The following RAD23B variants were observed in gnomAD, a reference collection of about 807,000 sequenced individuals.
The protein encoded by RAD23B is lysine-specific demethylase RAD23B.
In RAD23B, 5 loss-of-function variants were observed where a neutral mutation model predicts 49.1. The observed-to-expected ratio is 0.10, with a 90% CI of 0.05 to 0.21. The LOEUF is 0.21. Ranked by LOEUF, RAD23B falls within the 10% of genes least tolerant of loss-of-function variation. The pLI, the probability that RAD23B is intolerant of heterozygous loss-of-function variation, is 1.00. For missense variants in RAD23B, 356 were observed against 486.7 expected (o/e 0.73, Z 2.53); for synonymous variants, 184 against 165.4 (o/e 1.11, Z -0.86).
chr9:107,331,779 A>T lies in RAD23B; in HGVS notation c.*2123A>T, dbSNP rs371086485. 5.2e-5 allele frequency: 40 copies of T among 770,096 alleles called. No individual in the cohort carries two copies. The African/African-American group carries it at 6.7e-4, about 13-fold the overall frequency. The allele number at this position is 770,096 out of a possible 1,614,324, so 47.7% of individuals were successfully genotyped here. The stretch of plus-strand genomic sequence containing the variant: ...GGACAACAAATCTGGATATACTAGG[A>T]TTAATTATCAGAAGACAGCTCAGGC... On this transcript the variant is annotated 3_prime_UTR_variant, in exon 10 of 10. Coordinates refer to ENST00000358015, the MANE Select transcript of RAD23B (RefSeq NM_002874.5).
intron 6 of RAD23B, among the ~76,000 whole-genome samples, chr9:107,319,181 A>T (rs1296092252): frequency 7.9e-6 from 1 of 126,684 alleles, no homozygotes; most frequent in East Asian, 2.3e-4. Context: ...CCCAGACTGG[A>T]GTGCAGTGGC....
chr9:107,327,797 A>G (rs765482307), intron 9 of RAD23B, among the ~76,000 whole-genome samples: 42 of 152,142 alleles, frequency 2.8e-4, no homozygotes, highest in Admixed American at 1.1e-3. Flanking sequence ...TGTTTTATCT[A>G]TTATTGAAGG....
intron 2 of RAD23B, among the ~76,000 whole-genome samples, chr9:107,301,741 A>C (rs1001631882): frequency 2.0e-5 from 3 of 151,658 alleles, no homozygotes; most frequent in African/African-American, 4.8e-5. Context: ...GGGTCTTGCT[A>C]TGTTGGCCAT....
At chr9:107,307,468 A>G (rs1826802456) in intron 4 of RAD23B, among the ~76,000 whole-genome samples, 1 of 152,220 alleles carries the variant, frequency 6.6e-6, no homozygotes, top group African/African-American at 2.4e-5. Context: ...CATGAGTTAT[A>G]TTATGACCAG....
Position 107,302,089 on chromosome 9 carries a change from A to G in RAD23B, c.203A>G (p.Asn68Ser), listed in dbSNP as rs986543077. Residue 68 changes from asparagine to serine, a missense_variant, in exon 3 of 10, where the codon AAC becomes AGC. Physicochemically the swap from Asn to Ser is conservative, Grantham distance 46. Coordinates refer to ENST00000358015, the MANE Select transcript of RAD23B (RefSeq NM_002874.5). ...ALKEYKIDEK[N>S]FVVVMVTKPK... is the part of the protein sequence containing the mutation. ...AAAGAATATAAAATTGATGAGAAAA[A>G]CTTTGTGGTGGTTATGGTGACCAAA... 6.2e-7 allele frequency: 1 copy of G among 1,613,314 alleles called. No homozygotes were observed. The highest frequency in any genetic ancestry group is 1.1e-5 in the South Asian group (1 of 91,046).
intron 1 of RAD23B, chr9:107,284,552 G>C (rs957083348): frequency 5.0e-6 from 1 of 199,326 alleles, no homozygotes; most frequent in Non-Finnish European, 9.1e-6. Flanking sequence ...AAACATTTCA[G>C]AAGTCCACAT....
chr9:107,309,834 G>T (rs534179258), intron 4 of RAD23B, among the ~76,000 whole-genome samples: 55 of 151,454 alleles, frequency 3.6e-4, no homozygotes, highest in Non-Finnish European at 6.3e-4. Flanking sequence ...AGGAGGCTGA[G>T]GCAGGAGAAT....
At chr9:107,284,486 AAAG>A (rs1463818208) in intron 1 of RAD23B, among the ~76,000 whole-genome samples, 1 of 152,074 alleles carries the variant, frequency 6.6e-6, no homozygotes, top group East Asian at 1.9e-4. Context: ...AAGGGGGAAA[AAAG>A]AAAAAAAAAA....
intron 1 of RAD23B, among the ~76,000 whole-genome samples, chr9:107,299,384 C>T (rs1004633218): frequency 5.3e-5 from 8 of 152,136 alleles, no homozygotes; most frequent in Non-Finnish European, 1.0e-4. Context: ...CCCTACTTAA[C>T]AAGTTAAGAA....
intron 1 of RAD23B, chr9:107,284,988 G>A: frequency 2.3e-6 from 3 of 1,283,266 alleles, no homozygotes; most frequent in Non-Finnish European, 3.1e-6. Flanking sequence ...GAGATACAGT[G>A]TTACGTTTTA....
At chr9:107,294,020 CAG>C (rs1833438142) in intron 1 of RAD23B, among the ~76,000 whole-genome samples, 2 of 152,130 alleles carry the variant, frequency 1.3e-5, no homozygotes, top group South Asian at 2.1e-4. Flanking sequence ...ATTGGGATAA[CAG>C]GGGAAATGAC....
At chr9:107,315,580 C>G (rs1826976060) in intron 5 of RAD23B, among the ~76,000 whole-genome samples, 1 of 152,162 alleles carries the variant, frequency 6.6e-6, no homozygotes, top group African/African-American at 2.4e-5. Flanking sequence ...GTGGCACAGT[C>G]TCAGCTCACT....
At chr9:107,319,678 T>TTAC (rs1366013802) in intron 6 of RAD23B, among the ~76,000 whole-genome samples, 3 of 152,204 alleles carry the variant, frequency 2.0e-5, no homozygotes, top group Non-Finnish European at 4.4e-5. Flanking sequence ...ATGAATGATG[T>TTAC]TACTACCTGG....
intron 5 of RAD23B, among the ~76,000 whole-genome samples, chr9:107,314,630 A>T (rs1332531173): frequency 6.6e-6 from 1 of 152,238 alleles, no homozygotes; most frequent in East Asian, 1.9e-4. Context: ...TGTGATTAAC[A>T]TACAAGTGCA....
chr9:107,315,438 T>C (rs1173920473), intron 5 of RAD23B, among the ~76,000 whole-genome samples: 1 of 152,174 alleles, frequency 6.6e-6, no homozygotes, highest in Non-Finnish European at 1.5e-5. Context: ...ATGACATATA[T>C]AAGGTTCTTC....
intron 3 of RAD23B, among the ~76,000 whole-genome samples, chr9:107,306,045 T>TATACA (rs1564245432): frequency 3.7e-5 from 1 of 26,800 alleles, no homozygotes; most frequent in Non-Finnish European, 7.9e-5. Context: ...ATGATACGGT[T>TATACA]TATATCTATA....
chr9:107,292,466 G>A (rs1292893510), intron 1 of RAD23B, among the ~76,000 whole-genome samples: 1 of 152,048 alleles, frequency 6.6e-6, no homozygotes. Flanking sequence ...GGATCACGAG[G>A]TCAGGAGTTC....
rs758171253 is a variant in RAD23B at position 107,302,125 on chromosome 9, A to G, written c.228+11A>G. The G allele has an allele frequency of 2.3e-5, 37 of 1,611,492 alleles. No individual in the cohort carries two copies. Among genetic ancestry groups the G allele is most frequent in the South Asian group, 8.8e-5 (8 of 90,714 alleles). On this transcript the variant is annotated intron_variant, in intron 3 of 9. Coordinates refer to ENST00000358015, the MANE Select transcript of RAD23B (RefSeq NM_002874.5). Reference sequence around the variant, plus strand: ...GTTATGGTGACCAAAGTAAGTTTCAACCTCATTCTGTATATCTTTATGCAT... The same window carrying G: ...GTTATGGTGACCAAAGTAAGTTTCAGCCTCATTCTGTATATCTTTATGCAT...
intron 3 of RAD23B, 66 bp from the exon 4 acceptor site, chr9:107,306,313 G>A: frequency 1.3e-6 from 2 of 1,499,838 alleles, no homozygotes; most frequent in Non-Finnish European, 1.8e-6. Context: ...TAACGGTACA[G>A]TCTAATTAGA....
Sources: allele counts gnomAD v4.1 joint callset (sites outside exome capture counted in the v4.1 genomes callset), GRCh38; gene constraint gnomAD v4.1.1; transcripts MANE v1.5; gene names NCBI Gene and HGNC (gene_info 2026-07-23, HGNC 2026-07-21).